The following CEP290 variants were observed in gnomAD, a reference collection of about 807,000 sequenced individuals.
CEP290 encodes centrosomal protein of 290 kDa.
A neutral mutation model predicts 344.9 loss-of-function variants in CEP290; 317 were observed. That is an observed-to-expected ratio of 0.92 (90% CI 0.84 to 1.01). CEP290 has a LOEUF of 1.01. Ranked by LOEUF, CEP290 falls within the 50% of genes least tolerant of loss-of-function variation. CEP290 has a pLI of 0.00. For missense variants in CEP290, 2,754 were observed against 2,761.4 expected (o/e 1.00, Z 0.06); for synonymous variants, 932 against 895.8 (o/e 1.04, Z -0.72).
rs2040521242 is a variant in CEP290 at position 88,139,520 on chromosome 12, T to C, written c.225A>G (p.Lys75=). 1 of 1,598,972 alleles carries C rather than the reference T, an allele frequency of 6.3e-7. No homozygotes were observed. Among genetic ancestry groups the C allele is most frequent in the Non-Finnish European group, 8.5e-7 (1 of 1,173,768 alleles). The change falls in exon 4 of 54, where the codon AAA becomes AAG. Residue 75 remains lysine, a synonymous_variant. Coordinates refer to ENST00000552810, the MANE Select transcript of CEP290 (RefSeq NM_025114.4). The part of the protein sequence containing the change: ...EVELALEEVE[K]AGEEQAKFEN... The stretch of plus-strand genomic sequence containing the variant: ...CAAATTTTGCTTGTTCTTCTCCAGC[T>C]TTTTCTACTTCTTCCAAAGCCAGCT...
intron 17 of CEP290, among the ~76,000 whole-genome samples, chr12:88,118,151 G>T (rs1038632340): frequency 1.3e-4 from 19 of 151,736 alleles, no homozygotes; most frequent in African/African-American, 4.6e-4. Context: ...AAACTACTAA[G>T]TTTTATTATT....
intron 35 of CEP290, among the ~76,000 whole-genome samples, chr12:88,084,171 C>T (rs2036400118): frequency 6.6e-6 from 1 of 152,052 alleles, no homozygotes; most frequent in Admixed American, 6.6e-5. Flanking sequence ...TTATTCTTAA[C>T]ATTAGAATGA....
intron 43 of CEP290, 62 bp downstream of exon 43, chr12:88,071,232 A>G: frequency 1.5e-6 from 2 of 1,330,656 alleles, no homozygotes; most frequent in South Asian, 1.3e-5. Context: ...TATTATTTCA[A>G]TTTCTAGGGG....
chr12:88,126,191 T>G (rs969898830), intron 12 of CEP290, 125 bp downstream of exon 12: 14 of 696,806 alleles, frequency 2.0e-5, no homozygotes, highest in Non-Finnish European at 2.7e-5. Flanking sequence ...TCAAAAGACA[T>G]TATTATACAC....
At chr12:88,103,446 C>G (rs912018295) in intron 25 of CEP290, 1 of 152,844 alleles carries the variant, frequency 6.5e-6, no homozygotes, top group African/African-American at 2.4e-5. Context: ...AACGGACTAG[C>G]TTTAATAACA....
chr12:88,064,920 G>A (rs867499325), intron 44 of CEP290, among the ~76,000 whole-genome samples: 52 of 151,974 alleles, frequency 3.4e-4, no homozygotes, highest in African/African-American at 1.2e-3. Flanking sequence ...TTACTCCTTC[G>A]GAAAGCCCTC....
At chr12:88,117,739 A>G (rs2039140357) in intron 17 of CEP290, among the ~76,000 whole-genome samples, 1 of 152,156 alleles carries the variant, frequency 6.6e-6, no homozygotes, top group Non-Finnish European at 1.5e-5. Context: ...TTCACTTAGA[A>G]AAGAATAATT....
At chr12:88,126,520 T>C in intron 11 of CEP290, 82 bp from the exon 12 acceptor site, 1 of 926,540 alleles carries the variant, frequency 1.1e-6, no homozygotes, top group South Asian at 2.2e-5. Flanking sequence ...ATAAACACCG[T>C]TAGTAGATTT....
chr12:88,096,862 T>G (rs1565860557), intron 27 of CEP290, 26 bp downstream of exon 27: 4 of 1,099,022 alleles, frequency 3.6e-6, no homozygotes, highest in Non-Finnish European at 4.0e-6. Flanking sequence ...TTAATCATTT[T>G]ATATTATCAG....
At position 88,087,888 on chromosome 12, in the gene CEP290, ATTTAGT is replaced by A. The variant is rs1217870026; in HGVS notation, c.4080_4085del (p.Lys1360_Leu1361del). 27 of 1,235,318 alleles carry A rather than the reference ATTTAGT, an allele frequency of 2.2e-5. No homozygotes were observed. Among genetic ancestry groups the A allele is most frequent in the Non-Finnish European group, 2.8e-5 (27 of 966,160 alleles). The allele number at this position is 1,235,318 out of a possible 1,614,324, so 76.5% of individuals were successfully genotyped here. On this transcript the variant is annotated inframe_deletion, in exon 32 of 54. Coordinates refer to ENST00000552810, the MANE Select transcript of CEP290 (RefSeq NM_025114.4). Reference sequence around the variant, plus strand: ...CTTCTTTATCCTTGACTAATTCCCGATTTAGTTTAAGTTCTTGAAGACGAAGTTCTT... The same window carrying A: ...CTTCTTTATCCTTGACTAATTCCCGATTAAGTTCTTGAAGACGAAGTTCTT...
At chr12:88,071,230 C>A (rs1464826028) in intron 43 of CEP290, 64 bp downstream of exon 43, 21 of 1,303,194 alleles carry the variant, frequency 1.6e-5, no homozygotes, top group Non-Finnish European at 2.2e-5. Flanking sequence ...TTTATTATTT[C>A]AATTTCTAGG....
chr12:88,106,203 CCTAA>C, intron 25 of CEP290, among the ~76,000 whole-genome samples: 1 of 152,080 alleles, frequency 6.6e-6, no homozygotes, highest in African/African-American at 2.4e-5. Context: ...AGGGTTCTGA[CCTAA>C]CTTTTAGTAA....
chr12:88,116,882 G>A (rs1242086264), intron 18 of CEP290, 151 bp downstream of exon 18: 5 of 438,958 alleles, frequency 1.1e-5, no homozygotes, highest in Non-Finnish European at 2.0e-5. Flanking sequence ...GCTGAGGCAG[G>A]AGAATGGCAT....
At chr12:88,111,619 T>G in intron 21 of CEP290, 75 bp downstream of exon 21, 1 of 1,279,988 alleles carries the variant, frequency 7.8e-7, no homozygotes, top group Non-Finnish European at 1.1e-6. Flanking sequence ...AGCATTCTTT[T>G]TAAAAAATTA....
At chr12:88,061,278 C>T (rs1288072253) in intron 46 of CEP290, among the ~76,000 whole-genome samples, 1 of 152,114 alleles carries the variant, frequency 6.6e-6, no homozygotes, top group Non-Finnish European at 1.5e-5. Flanking sequence ...ATGATTAAGT[C>T]TAAATAGTCT....
intron 44 of CEP290, among the ~76,000 whole-genome samples, chr12:88,065,070 G>A (rs1363683351): frequency 6.6e-6 from 1 of 151,600 alleles, no homozygotes; most frequent in East Asian, 1.9e-4. Context: ...TTTTAACTGT[G>A]CTTAATTATA....
intron 18 of CEP290, 69 bp from the exon 19 acceptor site, chr12:88,115,251 TAAG>T (rs1256265275): frequency 1.1e-6 from 1 of 907,774 alleles, no homozygotes; most frequent in Non-Finnish European, 1.7e-6. Context: ...ATTTTCAAGT[TAAG>T]AAAAGTTTGA....
intron 52 of CEP290, 58 bp downstream of exon 52, chr12:88,053,594 A>G (rs2033745667): frequency 5.2e-6 from 4 of 763,556 alleles, no homozygotes; most frequent in Non-Finnish European, 8.5e-6. Flanking sequence ...AAAAAAAAAA[A>G]GGCAAACCCA....
intron 34 of CEP290, 140 bp downstream of exon 34, chr12:88,085,899 A>T: frequency 1.3e-6 from 1 of 780,338 alleles, no homozygotes; most frequent in Non-Finnish European, 2.0e-6. Flanking sequence ...TATTAGAAAC[A>T]TTATAGGAGA....
Sources: allele counts gnomAD v4.1 joint callset (sites outside exome capture counted in the v4.1 genomes callset), GRCh38; gene constraint gnomAD v4.1.1; transcripts MANE v1.5; gene names NCBI Gene and HGNC (gene_info 2026-07-23, HGNC 2026-07-21).